The following SEMA4D variants were observed in gnomAD, a reference collection of about 807,000 sequenced individuals.
SEMA4D encodes the protein semaphorin-4D.
In SEMA4D, 22 loss-of-function variants were observed where a neutral mutation model predicts 74.8. The ratio of observed to expected loss-of-function variants is 0.29; its 90% CI spans 0.21 to 0.42. The LOEUF is 0.42. SEMA4D is among the 10% of genes least tolerant of loss of function. The pLI is 1.00. For synonymous variants in SEMA4D, 445 were observed against 463.7 expected, an observed-to-expected ratio of 0.96 and a Z score of 0.52; for missense variants, 937 against 1,118.4, an observed-to-expected ratio of 0.84 and a Z score of 2.31.
Position 89,476,622 on chromosome 9 carries a change from T to C in SEMA4D, c.-309-20669A>G, listed in dbSNP as rs144931907. On this transcript the variant is annotated intron_variant, in intron 1 of 15. Coordinates refer to ENST00000422704, the MANE Select transcript of SEMA4D (RefSeq NM_001371194.2). Reference sequence around the variant, plus strand: ...TTCTCTGGGTCTCCAGCCTGCTGTATATTTTAGACTCGTGGCATCTCCACA... The same window carrying C: ...TTCTCTGGGTCTCCAGCCTGCTGTACATTTTAGACTCGTGGCATCTCCACA... Among the ~76,000 whole-genome samples the C allele has an allele frequency of 4.5e-3, 690 of 152,340 alleles. 4 individuals are homozygous for C. Among genetic ancestry groups the C allele is most frequent in the Non-Finnish European group, 6.9e-3 (472 of 68,028 alleles).
intron 16 of SEMA4D, among the ~76,000 whole-genome samples, chr9:89,369,887 G>A (rs112821582): frequency 0.022 from 3,081 of 137,834 alleles, 52 homozygotes; most frequent in Middle Eastern, 0.065. Context: ...TGTGTGTATG[G>A]TTGTGTATGT....
intron 7 of SEMA4D, among the ~76,000 whole-genome samples, chr9:89,392,786 G>C (rs570038914): frequency 6.6e-6 from 1 of 152,226 alleles, no homozygotes; most frequent in African/African-American, 2.4e-5. Flanking sequence ...GGAGTGCAGT[G>C]GTGCGATCTT....
chr9:89,375,671 T>TC (rs1245207269), downstream of SEMA4D, among the ~76,000 whole-genome samples: 4 of 152,198 alleles, frequency 2.6e-5, no homozygotes, highest in Non-Finnish European at 5.9e-5. Flanking sequence ...TATCTACTGA[T>TC]CAGTCAGATG....
At chr9:89,423,974 A>C (rs867900610) in intron 2 of SEMA4D, among the ~76,000 whole-genome samples, 1,104 of 24,588 alleles carry the variant, frequency 0.045, no homozygotes, top group Admixed American at 0.056. Context: ...CAGCACCTCC[A>C]CCCCCTCAGC....
Position 89,381,516 on chromosome 9 carries a change from C to G in SEMA4D, c.1447-170G>C, listed in dbSNP as rs1416681342. ...GAGGCAAACAAGGCAGGTCTGTGACCTTCCTGCAGAATCCACGTGCTATGT... is the reference window on the plus strand; with the variant it reads ...GAGGCAAACAAGGCAGGTCTGTGACGTTCCTGCAGAATCCACGTGCTATGT... On this transcript the variant is annotated intron_variant, in intron 13 of 15. Coordinates refer to ENST00000422704, the MANE Select transcript of SEMA4D (RefSeq NM_001371194.2). This position sits in a 1 kb window ranked among gnomAD's most constrained non-coding sequence, Gnocchi z 4.6. 3.4e-6 allele frequency: 2 copies of G among 580,736 alleles called. No individual in the cohort carries two copies. Among genetic ancestry groups the G allele is most frequent in the Admixed American group, 3.5e-5 (1 of 28,714 alleles). The allele number at this position is 580,736 out of a possible 1,614,324, so 36.0% of individuals were successfully genotyped here.
chr9:89,487,893 G>C (rs940063333), intron 1 of SEMA4D, among the ~76,000 whole-genome samples: 2 of 152,318 alleles, frequency 1.3e-5, no homozygotes, highest in Non-Finnish European at 2.9e-5. Context: ...CATTGGTCAA[G>C]AGACCAAATA....
At chr9:89,472,888 G>C (rs1435100952) in intron 1 of SEMA4D, among the ~76,000 whole-genome samples, 1 of 152,050 alleles carries the variant, frequency 6.6e-6, no homozygotes, top group Non-Finnish European at 1.5e-5. Context: ...GAGCCCAGGG[G>C]TTTGAGACCA....
chr9:89,402,859 C>A lies in SEMA4D; in HGVS notation c.252+12G>T, dbSNP rs908878160. 6.2e-7 allele frequency: 1 copy of A among 1,611,498 alleles called. No homozygotes were observed. The highest frequency in any genetic ancestry group is 8.5e-7 in the Non-Finnish European group (1 of 1,178,150). ...TGGGCTATGTGGACATGCAGGGGAG[C>A]CCAGGACGTACCTCATGCTGCTTCT... On this transcript the variant is annotated intron_variant, in intron 4 of 15. Transcript: ENST00000422704.
chr9:89,370,568 G>A (rs1302013110), intron 16 of SEMA4D, among the ~76,000 whole-genome samples: 1 of 150,730 alleles, frequency 6.6e-6, no homozygotes, highest in Non-Finnish European at 1.5e-5. Context: ...CTGGTGTGTG[G>A]TATGTCTGCT....
chr9:89,470,624 A>G (rs1290934887), intron 1 of SEMA4D, among the ~76,000 whole-genome samples: 1 of 152,222 alleles, frequency 6.6e-6, no homozygotes, highest in African/African-American at 2.4e-5. Context: ...ACATTTATCA[A>G]AAGGAAATGA....
chr9:89,472,148 A>G (rs59446279), intron 1 of SEMA4D: 15,569 of 186,342 alleles, frequency 0.084, 1,035 homozygotes, highest in African/African-American at 0.16. Context: ...TAAAAGAGTC[A>G]TGCTCTTTGC....
intron 2 of SEMA4D, among the ~76,000 whole-genome samples, chr9:89,439,184 G>A (rs1851174917): frequency 6.6e-6 from 1 of 151,932 alleles, no homozygotes. Flanking sequence ...TTTCCACCAT[G>A]TTGGCCAGGC....
chr9:89,465,633 GA>G (rs1404457944), intron 1 of SEMA4D, among the ~76,000 whole-genome samples: 1 of 152,106 alleles, frequency 6.6e-6, no homozygotes, highest in African/African-American at 2.4e-5. Context: ...TTCACCTCAA[GA>G]AAAAAATAAT....
intron 2 of SEMA4D, among the ~76,000 whole-genome samples, chr9:89,447,578 G>A (rs1451043486): frequency 6.6e-6 from 1 of 152,104 alleles, no homozygotes; most frequent in African/African-American, 2.4e-5. Context: ...GCGCTGAAGG[G>A]AGCCACTCCT....
At chr9:89,392,316 A>G in intron 8 of SEMA4D, 107 bp downstream of exon 8, 1 of 793,290 alleles carries the variant, frequency 1.3e-6, no homozygotes, top group Admixed American at 2.2e-5. Context: ...AGGGGCTAAC[A>G]CAAGCTCGGG....
chr9:89,427,599 TC>T (rs1185338386), intron 2 of SEMA4D, among the ~76,000 whole-genome samples: 1 of 152,202 alleles, frequency 6.6e-6, no homozygotes, highest in Non-Finnish European at 1.5e-5. Flanking sequence ...AGGAACCTGG[TC>T]CTATTAACCT....
At chr9:89,386,053 G>T in intron 13 of SEMA4D, 1 of 985,372 alleles carries the variant, frequency 1.0e-6, no homozygotes, top group Non-Finnish European at 1.2e-6. Context: ...CAAGCTCAGG[G>T]CATAAAAAGG....
chr9:89,453,874 T>G (rs1172745444), intron 2 of SEMA4D, among the ~76,000 whole-genome samples: 1 of 148,526 alleles, frequency 6.7e-6, no homozygotes, highest in Non-Finnish European at 1.5e-5. Context: ...TTTTTTTTTT[T>G]TGAGATGGAG....
chr9:89,481,618 C>T (rs763434606), intron 1 of SEMA4D, among the ~76,000 whole-genome samples: 4 of 152,264 alleles, frequency 2.6e-5, no homozygotes, highest in Non-Finnish European at 4.4e-5. Flanking sequence ...GTGGCAGACA[C>T]ACACACCGGA....
Sources: gnomAD v4.1 joint callset for allele counts (sites outside exome capture counted in the v4.1 genomes callset) on GRCh38, gnomAD v4.1.1 for gene constraint, Gnocchi (gnomAD v3.1) non-coding constraint, MANE v1.5 for transcripts, NCBI Gene and HGNC (gene_info 2026-07-23, HGNC 2026-07-21) for gene names.